Variants in LMNTD1 observed in about 807,000 individuals in gnomAD.
LMNTD1 encodes lamin tail domain-containing protein 1.
In LMNTD1, 35 loss-of-function variants were observed where a neutral mutation model predicts 50.9. That is an observed-to-expected ratio of 0.69 (90% CI 0.53 to 0.91). The LOEUF (loss-of-function observed/expected upper bound fraction) is 0.91, where lower values mean the gene tolerates loss of function less well. Ranked by LOEUF, LMNTD1 falls within the 40% of genes least tolerant of loss-of-function variation. LMNTD1 has a pLI of 0.00. For missense variants in LMNTD1, 470 were observed against 475.5 expected (o/e 0.99, Z 0.11); for synonymous variants, 153 against 161.9 (o/e 0.94, Z 0.42).
chr12:25,485,057 C>G (rs1938578562), intron 9 of LMNTD1, among the ~76,000 whole-genome samples: 1 of 151,424 alleles, frequency 6.6e-6, no homozygotes, highest in African/African-American at 2.4e-5. Flanking sequence ...ATTTCTAGTT[C>G]TAGATCCCTG....
chr12:25,636,257 G>T (rs1481634151), intron 1 of LMNTD1, among the ~76,000 whole-genome samples: 3 of 151,888 alleles, frequency 2.0e-5, no homozygotes, highest in African/African-American at 7.3e-5. Context: ...CTAATATCAA[G>T]AATCTACAAT....
chr12:25,554,787 G>A (rs1249128116), upstream of LMNTD1, among the ~76,000 whole-genome samples: 2 of 152,176 alleles, frequency 1.3e-5, no homozygotes, highest in Admixed American at 1.3e-4. Flanking sequence ...TATCTGGCCA[G>A]GCACAGTGGT....
chr12:25,526,680 A>C, intron 5 of LMNTD1, 89 bp downstream of exon 5: 1 of 849,864 alleles, frequency 1.2e-6, no homozygotes, highest in Non-Finnish European at 1.8e-6. Flanking sequence ...ATAGAGTGAT[A>C]ACGAGACAGT....
At chr12:25,489,841 T>C (rs1375281169) in intron 9 of LMNTD1, among the ~76,000 whole-genome samples, 1 of 152,202 alleles carries the variant, frequency 6.6e-6, no homozygotes, top group African/African-American at 2.4e-5. Context: ...AAAATCTTTA[T>C]GTTGAAAAAG....
At chr12:25,611,712 A>G (rs1259033433) in intron 1 of LMNTD1, among the ~76,000 whole-genome samples, 1 of 152,230 alleles carries the variant, frequency 6.6e-6, no homozygotes, top group Non-Finnish European at 1.5e-5. Flanking sequence ...CATAGCCATG[A>G]GTACTGCTAA....
chr12:25,588,511 A>G (rs896621144), intron 1 of LMNTD1, among the ~76,000 whole-genome samples: 15 of 152,166 alleles, frequency 9.9e-5, no homozygotes, highest in African/African-American at 2.9e-4. Context: ...AATAACATAC[A>G]GTTCAAAATA....
chr12:25,482,910 G>A (rs897589230), intron 9 of LMNTD1, among the ~76,000 whole-genome samples: 4 of 151,938 alleles, frequency 2.6e-5, no homozygotes, highest in Non-Finnish European at 5.9e-5. Context: ...GCACTTTGGA[G>A]CGTGTGTTCA....
At chr12:25,557,612 A>G (rs1191094727), upstream of LMNTD1, among the ~76,000 whole-genome samples, 1 of 152,234 alleles carries the variant, frequency 6.6e-6, no homozygotes, top group Non-Finnish European at 1.5e-5. Flanking sequence ...TTCAGGAGAC[A>G]AAGATTCATA....
At chr12:25,504,621 T>C (rs534636043) in intron 8 of LMNTD1, among the ~76,000 whole-genome samples, 2 of 152,202 alleles carry the variant, frequency 1.3e-5, no homozygotes, top group Non-Finnish European at 1.5e-5. Context: ...TACCTAAGCC[T>C]TTCTTTTTCC....
chr12:25,634,059 T>A (rs1217523577), intron 1 of LMNTD1, among the ~76,000 whole-genome samples: 1 of 152,146 alleles, frequency 6.6e-6, no homozygotes, highest in African/African-American at 2.4e-5. Flanking sequence ...AACACCTTCA[T>A]GCACATAAAC....
At chr12:25,525,258 C>T (rs552656951) in intron 6 of LMNTD1, among the ~76,000 whole-genome samples, 16 of 152,012 alleles carry the variant, frequency 1.1e-4, no homozygotes, top group South Asian at 1.0e-3. Flanking sequence ...TCAAATACTG[C>T]GAACAAATTA....
chr12:25,638,164 A>T (rs1007505908), intron 1 of LMNTD1, among the ~76,000 whole-genome samples: 1 of 152,114 alleles, frequency 6.6e-6, no homozygotes, highest in Non-Finnish European at 1.5e-5. Context: ...AAGACTTAAC[A>T]ATCTATGAAT....
intron 4 of LMNTD1, among the ~76,000 whole-genome samples, chr12:25,532,501 A>T (rs1942295387): frequency 6.6e-6 from 1 of 152,116 alleles, no homozygotes; most frequent in Admixed American, 6.6e-5. Flanking sequence ...TGCGGCTTTC[A>T]AAATTGGCAG....
In LMNTD1 at chr12:25,484,294, T is replaced by A. The variant is rs1938541506; in HGVS notation, c.*23-7834A>T. Among the ~76,000 whole-genome samples the A allele has an allele frequency of 2.6e-5, 4 of 152,058 alleles. No homozygotes were observed. In the South Asian group the frequency reaches 8.3e-4, roughly 32 times the overall value. On this transcript the variant is annotated intron_variant, in intron 9 of 9. Transcript: ENST00000458174. ...TTTTGTTGTTTTAAGAGACAGGGTC[T>A]CTCTATGTTGCCCAGGCTGGTCTTG...
At chr12:25,516,540 A>G (rs1048562284) in intron 8 of LMNTD1, among the ~76,000 whole-genome samples, 2 of 152,212 alleles carry the variant, frequency 1.3e-5, no homozygotes, top group African/African-American at 4.8e-5. Flanking sequence ...AGTACTAAAG[A>G]TTATAAAGGG....
intron 1 of LMNTD1, among the ~76,000 whole-genome samples, chr12:25,611,191 A>G (rs1424094506): frequency 6.6e-6 from 1 of 152,208 alleles, no homozygotes; most frequent in Non-Finnish European, 1.5e-5. Flanking sequence ...ATTAAGAAGA[A>G]ATGTTATTAA....
At chr12:25,533,529 A>G (rs1185777426) in intron 4 of LMNTD1, among the ~76,000 whole-genome samples, 5 of 152,120 alleles carry the variant, frequency 3.3e-5, no homozygotes, top group Admixed American at 2.0e-4. Flanking sequence ...GTTTGCTAAA[A>G]TTATCTTTGA....
intron 1 of LMNTD1, among the ~76,000 whole-genome samples, chr12:25,605,238 A>G (rs1946070347): frequency 6.6e-6 from 1 of 151,916 alleles, no homozygotes; most frequent in Admixed American, 6.6e-5. Context: ...TAGATTCTGG[A>G]TATTAGCCCT....
chr12:25,627,873 G>A (rs574261900), intron 1 of LMNTD1, among the ~76,000 whole-genome samples: 3 of 151,976 alleles, frequency 2.0e-5, no homozygotes, highest in African/African-American at 2.4e-5. Flanking sequence ...ACTTTGGGAG[G>A]CCGAGACGGG....
Sources: gnomAD v4.1 joint callset for allele counts (sites outside exome capture counted in the v4.1 genomes callset) on GRCh38, gnomAD v4.1.1 for gene constraint, MANE v1.5 for transcripts, NCBI Gene and HGNC (gene_info 2026-07-23, HGNC 2026-07-21) for gene names.